The following CNTN5 variants were observed in gnomAD, a reference collection of about 807,000 sequenced individuals.
CNTN5 encodes the protein contactin-5.
In CNTN5, 77 loss-of-function variants were observed where a neutral mutation model predicts 129.1. The observed-to-expected ratio is 0.60, with a 90% CI of 0.50 to 0.72. The LOEUF (loss-of-function observed/expected upper bound fraction) is 0.72, where lower values mean the gene tolerates loss of function less well. Ranked by LOEUF, CNTN5 falls within the 30% of genes least tolerant of loss-of-function variation. The pLI, the probability that CNTN5 is intolerant of heterozygous loss-of-function variation, is 0.00. For synonymous variants in CNTN5, 509 were observed against 465.6 expected (o/e 1.09, Z -1.20); for missense variants, 1,478 against 1,328.8 (o/e 1.11, Z -1.75).
At chr11:100,119,086 C>G (rs1945930818) in intron 13 of CNTN5, among the ~76,000 whole-genome samples, 1 of 151,360 alleles carries the variant, frequency 6.6e-6, no homozygotes, top group Non-Finnish European at 1.5e-5. Flanking sequence ...CTTTGAATGT[C>G]ACTCACCAAG....
chr11:99,834,231 A>G (rs1027834135), intron 4 of CNTN5, among the ~76,000 whole-genome samples: 12 of 152,262 alleles, frequency 7.9e-5, no homozygotes, highest in African/African-American at 2.2e-4. Context: ...TGGGTCACCA[A>G]TTGTAGACAC....
At chr11:100,318,042 G>C (rs746167267) in intron 21 of CNTN5, among the ~76,000 whole-genome samples, 7 of 151,868 alleles carry the variant, frequency 4.6e-5, no homozygotes, top group South Asian at 2.1e-4. Flanking sequence ...GAGATCGAGA[G>C]CATCCTGGCT....
At chr11:99,785,228 C>A (rs1945475910) in intron 3 of CNTN5, among the ~76,000 whole-genome samples, 1 of 152,030 alleles carries the variant, frequency 6.6e-6, no homozygotes, top group South Asian at 2.1e-4. Flanking sequence ...CTGTTTGTAT[C>A]CTTCGCCCAC....
At chr11:99,780,806 C>T (rs955179541) in intron 3 of CNTN5, among the ~76,000 whole-genome samples, 5 of 152,052 alleles carry the variant, frequency 3.3e-5, no homozygotes, top group African/African-American at 1.2e-4. Context: ...CTGTGCCACA[C>T]TGTCAATAAA....
At chr11:100,261,762 T>A (rs1372329631) in intron 17 of CNTN5, among the ~76,000 whole-genome samples, 1 of 152,188 alleles carries the variant, frequency 6.6e-6, no homozygotes, top group Non-Finnish European at 1.5e-5. Flanking sequence ...AAACAGCAAC[T>A]GGACCCCTTC....
intron 9 of CNTN5, among the ~76,000 whole-genome samples, chr11:100,028,833 A>T (rs780646349): frequency 6.6e-6 from 1 of 152,232 alleles, no homozygotes; most frequent in African/African-American, 2.4e-5. Context: ...ATCTTTCCCA[A>T]ACATTGTTTC....
intron 23 of CNTN5, among the ~76,000 whole-genome samples, chr11:100,345,378 G>C (rs544832715): frequency 3.3e-5 from 5 of 152,102 alleles, no homozygotes; most frequent in Non-Finnish European, 7.3e-5. Context: ...AAGTCCTTGT[G>C]ATACAATCAC....
At chr11:99,717,296 T>C (rs1012624622) in intron 3 of CNTN5, among the ~76,000 whole-genome samples, 3 of 152,068 alleles carry the variant, frequency 2.0e-5, no homozygotes, top group Admixed American at 2.0e-4. Flanking sequence ...AAGGAAAGTC[T>C]TATATACAGT....
chr11:99,373,071 T>C (rs1384096850), intron 2 of CNTN5, among the ~76,000 whole-genome samples: 1 of 91,668 alleles, frequency 1.1e-5, no homozygotes, highest in Non-Finnish European at 3.1e-5. Flanking sequence ...TAGCGGGGCA[T>C]GGTGGCACAT....
Position 100,287,585 on chromosome 11 carries a change from C to T in CNTN5, c.2315-10040C>T, listed in dbSNP as rs542919831. On this transcript the variant is annotated intron_variant, in intron 18 of 24. Coordinates refer to ENST00000524871, the MANE Select transcript of CNTN5 (RefSeq NM_014361.4). ...GAGATTTTGTCACCACCAGGCCTGC[C>T]CTAAAAGAGCTCCTGAAGGAAGCAC... 1.2e-3 allele frequency among the ~76,000 whole-genome samples: 181 copies of T among 150,692 alleles called. 8 individuals carry two copies. In the South Asian group the frequency reaches 0.037, roughly 31 times the overall value.
At chr11:99,084,113 C>T (rs979198042) in intron 1 of CNTN5, among the ~76,000 whole-genome samples, 10 of 152,202 alleles carry the variant, frequency 6.6e-5, no homozygotes, top group African/African-American at 2.2e-4. Flanking sequence ...CGTATCCACA[C>T]GTGCTACACT....
intron 3 of CNTN5, among the ~76,000 whole-genome samples, chr11:99,671,301 C>T (rs565028772): frequency 1.3e-5 from 2 of 152,168 alleles, no homozygotes; most frequent in Admixed American, 1.3e-4. Context: ...AGTACAGTGC[C>T]TGAAATGTAT....
chr11:99,422,518 TTATATATATATATATATATA>T (rs71046684), intron 2 of CNTN5, among the ~76,000 whole-genome samples: 35 of 83,408 alleles, frequency 4.2e-4, no homozygotes, highest in Middle Eastern at 5.9e-3. Context: ...CTTTATATTT[TTATATATATATATATATATA>T]TATATATATA....
At chr11:100,177,686 C>T (rs1161861987) in intron 13 of CNTN5, among the ~76,000 whole-genome samples, 1 of 152,046 alleles carries the variant, frequency 6.6e-6, no homozygotes, top group Non-Finnish European at 1.5e-5. Context: ...ATTGTCTTTC[C>T]TTTTAAAAAG....
intron 4 of CNTN5, among the ~76,000 whole-genome samples, chr11:99,830,131 G>A (rs1422591638): frequency 6.6e-6 from 1 of 152,024 alleles, no homozygotes; most frequent in African/African-American, 2.4e-5. Flanking sequence ...TCGGGGGCGG[G>A]GAGCATGTTC....
chr11:99,898,330 A>G (rs1161651313), intron 6 of CNTN5, among the ~76,000 whole-genome samples: 2 of 152,092 alleles, frequency 1.3e-5, no homozygotes, highest in Admixed American at 6.6e-5. Context: ...GCCTAAGGAA[A>G]AAAAAGAGAG....
At chr11:99,622,299 G>A (rs1371505511) in intron 3 of CNTN5, among the ~76,000 whole-genome samples, 1 of 152,078 alleles carries the variant, frequency 6.6e-6, no homozygotes, top group Non-Finnish European at 1.5e-5. Flanking sequence ...ATGTAAACAA[G>A]CTTGCAATCA....
At chr11:99,689,382 C>A (rs1190690950) in intron 3 of CNTN5, among the ~76,000 whole-genome samples, 1 of 151,864 alleles carries the variant, frequency 6.6e-6, no homozygotes, top group Non-Finnish European at 1.5e-5. Context: ...AAAAAATTAG[C>A]TGGGCGTGGT....
At chr11:99,919,575 T>C (rs1465421203) in intron 7 of CNTN5, among the ~76,000 whole-genome samples, 1 of 152,138 alleles carries the variant, frequency 6.6e-6, no homozygotes, top group Non-Finnish European at 1.5e-5. Flanking sequence ...TTGTCTCTAC[T>C]CTCTTTCTAA....
Sources: allele counts gnomAD v4.1 joint callset (sites outside exome capture counted in the v4.1 genomes callset), GRCh38; gene constraint gnomAD v4.1.1; transcripts MANE v1.5; gene names NCBI Gene and HGNC (gene_info 2026-07-23, HGNC 2026-07-21).